Variants in SMAP1 observed in about 807,000 individuals in gnomAD.
SMAP1 encodes the protein stromal membrane-associated protein 1.
A neutral mutation model predicts 58.5 loss-of-function variants in SMAP1; 24 were observed. The ratio of observed to expected loss-of-function variants is 0.41; its 90% CI spans 0.30 to 0.58. The LOEUF (loss-of-function observed/expected upper bound fraction) is 0.58, where lower values mean the gene tolerates loss of function less well. Among genes scored for constraint, SMAP1 ranks in the 20% least tolerant of loss-of-function variants. The probability of loss-of-function intolerance (pLI) is 0.29; values close to 1 mark genes in which losing one functional copy is unlikely to be tolerated. For synonymous variants in SMAP1, 216 were observed against 196.6 expected (o/e 1.10, Z -0.82); for missense variants, 563 against 566.3 (o/e 0.99, Z 0.06).
At chr6:70,696,854 A>G (rs1009545735) in intron 1 of SMAP1, among the ~76,000 whole-genome samples, 3 of 152,166 alleles carry the variant, frequency 2.0e-5, no homozygotes, top group Non-Finnish European at 2.9e-5. Flanking sequence ...ATCTCCAGCT[A>G]TTAACTTGGG....
chr6:70,835,763 T>G (rs1770555471), intron 6 of SMAP1, among the ~76,000 whole-genome samples: 1 of 152,186 alleles, frequency 6.6e-6, no homozygotes, highest in Non-Finnish European at 1.5e-5. Flanking sequence ...TACCTTGTCC[T>G]CCTAAAGTGC....
At chr6:70,825,971 A>G (rs952169978) in intron 6 of SMAP1, among the ~76,000 whole-genome samples, 20 of 152,228 alleles carry the variant, frequency 1.3e-4, no homozygotes, top group African/African-American at 4.6e-4. Flanking sequence ...TAACTAGAGT[A>G]TGAGTTTAAG....
chr6:70,745,695 T>C (rs1158060046), intron 2 of SMAP1, among the ~76,000 whole-genome samples: 1 of 152,220 alleles, frequency 6.6e-6, no homozygotes, highest in East Asian at 1.9e-4. Context: ...AAGTAGTTTT[T>C]TCCAATTCTG....
At chr6:70,738,100 C>T (rs898737708) in intron 2 of SMAP1, among the ~76,000 whole-genome samples, 2 of 152,150 alleles carry the variant, frequency 1.3e-5, no homozygotes, top group African/African-American at 4.8e-5. Flanking sequence ...CACCTGGAAT[C>T]GTGTGGCTGG....
At chr6:70,754,710 T>TA (rs1357441769) in intron 2 of SMAP1, among the ~76,000 whole-genome samples, 2 of 152,072 alleles carry the variant, frequency 1.3e-5, no homozygotes, top group Non-Finnish European at 2.9e-5. Context: ...GTAGTAAGTG[T>TA]AAAGGTGGTA....
In SMAP1 at chr6:70,780,801, T is replaced by C. The variant is rs574993770; in HGVS notation, c.414+7376T>C. Among the ~76,000 whole-genome samples the C allele has an allele frequency of 3.9e-5, 6 of 152,230 alleles. No individual in the cohort carries two copies. In the South Asian group the frequency reaches 1.2e-3, roughly 32 times the overall value. ...TCTCTGTGTCTCTTCAGCTAGTGAG[T>C]TGAGATTAGCGTAAAAGAGCAGGGT... On this transcript the variant is annotated intron_variant, in intron 4 of 10. Transcript: ENST00000370455.
intron 1 of SMAP1, among the ~76,000 whole-genome samples, chr6:70,674,044 A>G (rs1766376350): frequency 6.6e-6 from 1 of 152,112 alleles, no homozygotes; most frequent in African/African-American, 2.4e-5. Flanking sequence ...ACTTGAATCC[A>G]TGCTCTCTTT....
chr6:70,832,029 G>A (rs1436915631), intron 6 of SMAP1, among the ~76,000 whole-genome samples: 4 of 152,092 alleles, frequency 2.6e-5, no homozygotes, highest in African/African-American at 9.7e-5. Context: ...GTGATGTTGA[G>A]CATTTTTTTA....
chr6:70,725,017 G>A (rs1007307035), intron 1 of SMAP1, among the ~76,000 whole-genome samples: 1 of 145,062 alleles, frequency 6.9e-6, no homozygotes, highest in African/African-American at 2.5e-5. Context: ...TTTAAATATG[G>A]TAGTGTCTGA....
At chr6:70,792,785 C>T (rs1768422811) in intron 5 of SMAP1, among the ~76,000 whole-genome samples, 1 of 152,018 alleles carries the variant, frequency 6.6e-6, no homozygotes, top group South Asian at 2.1e-4. Context: ...CATGAGCCCA[C>T]TGAAGGAGTT....
intron 6 of SMAP1, among the ~76,000 whole-genome samples, chr6:70,798,980 A>G (rs1331976324): frequency 6.6e-6 from 1 of 152,088 alleles, no homozygotes; most frequent in Non-Finnish European, 1.5e-5. Flanking sequence ...TCTCCTGTGA[A>G]TGACATAGAG....
chr6:70,735,594 C>T (rs545615349), intron 2 of SMAP1, among the ~76,000 whole-genome samples: 1 of 152,256 alleles, frequency 6.6e-6, no homozygotes, highest in East Asian at 1.9e-4. Flanking sequence ...CATTACGAAG[C>T]CCCGTCTCTA....
chr6:70,728,285 A>G (rs1765270544), intron 1 of SMAP1, among the ~76,000 whole-genome samples: 1 of 152,114 alleles, frequency 6.6e-6, no homozygotes, highest in African/African-American at 2.4e-5. Flanking sequence ...ATGGCAAAAT[A>G]TATCATTTCT....
chr6:70,859,265 C>A, intron 10 of SMAP1: 1 of 1,192,352 alleles, frequency 8.4e-7, no homozygotes. Context: ...TGCTGAAGCA[C>A]ACCCAGCTCA....
chr6:70,675,195 AGTGT>A, intron 1 of SMAP1, among the ~76,000 whole-genome samples: 1 of 115,058 alleles, frequency 8.7e-6, no homozygotes, highest in African/African-American at 3.4e-5. Context: ...CAAATTATAT[AGTGT>A]TTTTTTTTTT....
At chr6:70,768,404 A>G (rs1361896638) in intron 3 of SMAP1, among the ~76,000 whole-genome samples, 2 of 152,094 alleles carry the variant, frequency 1.3e-5, no homozygotes, top group African/African-American at 2.4e-5. Context: ...TTGGTAAGCT[A>G]TTGATTATTG....
At chr6:70,683,431 A>G (rs1467943863) in intron 1 of SMAP1, among the ~76,000 whole-genome samples, 2 of 151,870 alleles carry the variant, frequency 1.3e-5, no homozygotes, top group Non-Finnish European at 2.9e-5. Flanking sequence ...TGGCCTCTCA[A>G]AGTGTTGGGA....
Position 70,827,224 on chromosome 6 carries a change from T to C in SMAP1, c.577-9717T>C, listed in dbSNP as rs535999353. On this transcript the variant is annotated intron_variant, in intron 6 of 10. Transcript: ENST00000370455. The stretch of plus-strand genomic sequence containing the variant: ...ATTAACTGTGGATATCTGTGCCATA[T>C]TGTTCAAATTTTCAAATGACCAAGC... Among the ~76,000 whole-genome samples the C allele has an allele frequency of 5.9e-5, 9 of 152,304 alleles. No homozygotes were observed. The East Asian group carries it at 1.7e-3, about 29-fold the overall frequency.
intron 2 of SMAP1, among the ~76,000 whole-genome samples, chr6:70,751,429 G>GT (rs1401159534): frequency 1.3e-5 from 2 of 152,090 alleles, no homozygotes; most frequent in East Asian, 3.9e-4. Flanking sequence ...TGCTTGACTT[G>GT]TTTTTTAAAT....
Sources: gnomAD v4.1 joint callset for allele counts (sites outside exome capture counted in the v4.1 genomes callset) on GRCh38, gnomAD v4.1.1 for gene constraint, MANE v1.5 for transcripts, NCBI Gene and HGNC (gene_info 2026-07-23, HGNC 2026-07-21) for gene names.